DENND2B: variants seen among roughly 807,000 people sequenced by gnomAD.
The protein encoded by DENND2B is DENN domain-containing protein 2B.
In DENND2B, 32 loss-of-function variants were observed where a neutral mutation model predicts 116.0. The ratio of observed to expected loss-of-function variants is 0.28; its 90% CI spans 0.21 to 0.37. The LOEUF is 0.37. DENND2B is among the 10% of genes least tolerant of loss of function. The pLI, the probability that DENND2B is intolerant of heterozygous loss-of-function variation, is 1.00. For missense variants in DENND2B, 1,276 were observed against 1,477.7 expected, an observed-to-expected ratio of 0.86 and a Z score of 2.24; for synonymous variants, 588 against 583.9, an observed-to-expected ratio of 1.01 and a Z score of -0.10.
chr11:8,714,590 G>A lies in DENND2B; in HGVS notation c.1942+20C>T. 2 of 1,607,176 alleles carry A rather than the reference G, an allele frequency of 1.2e-6. No homozygotes were observed. The highest frequency in any genetic ancestry group is 1.7e-6 in the Non-Finnish European group (2 of 1,174,314). ...CCAAGGGCCCCAAACAGCTGAACCA[G>A]CTCTGGCACCAAAGCCTACCTCTCA... On this transcript the variant is annotated intron_variant, in intron 7 of 19. Coordinates refer to ENST00000313726, the MANE Select transcript of DENND2B (RefSeq NM_213618.2).
chr11:8,891,560 T>C (rs2064033553), intron 1 of DENND2B, among the ~76,000 whole-genome samples: 1 of 151,758 alleles, frequency 6.6e-6, no homozygotes, highest in Admixed American at 6.6e-5. Context: ...ACCAAGCAAA[T>C]GGAGAACAAA....
chr11:8,801,012 C>A (rs2060262401), intron 1 of DENND2B, among the ~76,000 whole-genome samples: 1 of 150,880 alleles, frequency 6.6e-6, no homozygotes, highest in African/African-American at 2.4e-5. Context: ...CTGCCTTAGC[C>A]ACAAATGCCC....
chr11:8,875,192 G>T (rs1419409338), upstream of DENND2B, among the ~76,000 whole-genome samples: 1 of 151,702 alleles, frequency 6.6e-6, no homozygotes, highest in Non-Finnish European at 1.5e-5. Context: ...GCGTGGTGGT[G>T]GGCACCTGTA....
At chr11:8,845,002 A>G (rs2134628564) in intron 3 of DENND2B, among the ~76,000 whole-genome samples, 1 of 152,256 alleles carries the variant, frequency 6.6e-6, no homozygotes. Flanking sequence ...TCGGCTTTCC[A>G]AAGTGTTCAG....
Position 8,700,070 on chromosome 11 carries a change from G to A in DENND2B, c.2721-680C>T, listed in dbSNP as rs548546811. On this transcript the variant is annotated intron_variant, in intron 14 of 19. Coordinates refer to ENST00000313726, the MANE Select transcript of DENND2B (RefSeq NM_213618.2). ...AGCCCCACGGGAGCTGGCCTGGGGGGGGGCAGGGTGGCAAAGAGGAAGCTC... is the reference window on the plus strand; with the variant it reads ...AGCCCCACGGGAGCTGGCCTGGGGGAGGGCAGGGTGGCAAAGAGGAAGCTC... The A allele has an allele frequency of 1.5e-3, 668 of 451,112 alleles. 8 individuals are homozygous for A. Among genetic ancestry groups the A allele is most frequent in the South Asian group, 9.8e-3 (628 of 64,254 alleles). 27.9% of individuals were successfully genotyped at this position (451,112 alleles called of 1,614,324 possible). A position where few individuals can be genotyped will look rare whatever the true frequency, so the allele number is the denominator to read the frequency against.
intron 4 of DENND2B, among the ~76,000 whole-genome samples, chr11:8,835,152 G>A (rs1566032998): frequency 6.6e-6 from 1 of 152,180 alleles, no homozygotes; most frequent in East Asian, 1.9e-4. Flanking sequence ...GCTGAAGTGG[G>A]AGAATTGCTT....
At chr11:8,787,652 C>T (rs555939727) in intron 1 of DENND2B, among the ~76,000 whole-genome samples, 1 of 152,318 alleles carries the variant, frequency 6.6e-6, no homozygotes, top group African/African-American at 2.4e-5. Flanking sequence ...AGAAATCATC[C>T]CACGTCTAAC....
At chr11:8,794,452 G>A (rs765847035) in intron 1 of DENND2B, among the ~76,000 whole-genome samples, 2 of 152,218 alleles carry the variant, frequency 1.3e-5, no homozygotes, top group Non-Finnish European at 2.9e-5. Flanking sequence ...GGTTGTCTCA[G>A]GCTATGTATG....
rs147102836 is a variant in DENND2B at position 8,863,529 on chromosome 11, G to A, written c.-249-6093C>T. ...ATTACAGGCGTCAGCCACTGCGCCC[G>A]GCCTGCCTCTTACGCCACTTCCTAT... is the stretch of plus-strand genomic sequence containing the variant. On this transcript the variant is annotated intron_variant, in intron 2 of 6. Transcript: ENST00000524757. Among the ~76,000 whole-genome samples, 397 of 152,088 alleles carry A rather than the reference G, an allele frequency of 2.6e-3. 2 individuals carry two copies. The highest frequency in any genetic ancestry group is 9.1e-3 in the African/African-American group (376 of 41,512).
intron 1 of DENND2B, among the ~76,000 whole-genome samples, chr11:8,778,804 G>A (rs2058035494): frequency 1.3e-5 from 2 of 152,214 alleles, no homozygotes. Flanking sequence ...GCTGATTACT[G>A]TCGAAAGGCA....
At chr11:8,761,196 C>CA in intron 1 of DENND2B, among the ~76,000 whole-genome samples, 1 of 152,282 alleles carries the variant, frequency 6.6e-6, no homozygotes, top group East Asian at 1.9e-4. Flanking sequence ...CAATTTCAGG[C>CA]CAAAGGAAAT....
intron 1 of DENND2B, among the ~76,000 whole-genome samples, chr11:8,795,702 G>C (rs1464294411): frequency 6.6e-6 from 1 of 152,136 alleles, no homozygotes; most frequent in Non-Finnish European, 1.5e-5. Flanking sequence ...TGGTCTCCTA[G>C]GTTTCTTTTC....
chr11:8,755,478 T>C (rs1281920760), intron 1 of DENND2B, among the ~76,000 whole-genome samples: 1 of 152,132 alleles, frequency 6.6e-6, no homozygotes, highest in Non-Finnish European at 1.5e-5. Flanking sequence ...GTGATGGTGA[T>C]AGGGAGTGGT....
chr11:8,890,057 G>C (rs918833036), intron 1 of DENND2B, among the ~76,000 whole-genome samples: 2 of 152,164 alleles, frequency 1.3e-5, no homozygotes, highest in African/African-American at 4.8e-5. Flanking sequence ...CCAGGGGAAC[G>C]ATCAGGCAGC....
At chr11:8,741,584 A>G (rs904533704) in intron 2 of DENND2B, among the ~76,000 whole-genome samples, 1 of 152,188 alleles carries the variant, frequency 6.6e-6, no homozygotes, top group Non-Finnish European at 1.5e-5. Context: ...ATTCTTTGAC[A>G]TGCCTCCAGT....
intron 1 of DENND2B, among the ~76,000 whole-genome samples, chr11:8,803,374 G>A (rs533561608): frequency 6.6e-6 from 1 of 152,170 alleles, no homozygotes; most frequent in Non-Finnish European, 1.5e-5. Context: ...GACCGAGCGA[G>A]ACTCTGTCTC....
Position 8,726,078 on chromosome 11 carries a change from A to G in DENND2B, c.1472T>C (p.Ile491Thr), listed in dbSNP as rs981623958. The change falls in exon 4 of 20, where the codon ATT becomes ACT. Residue 491 changes from isoleucine (I) to threonine (T), a missense_variant. Physicochemically the swap from Ile to Thr is moderately conservative, Grantham distance 89. Around this residue, in one of 2 missense-constraint regions of DENND2B, gnomAD observed 856 missense variants for 846.6 expected, o/e 1.01. Transcript: ENST00000313726. ...STLEENAYEDIVGDLPKENPY... is the reference protein window; with the variant it reads ...STLEENAYEDTVGDLPKENPY... ...CCACCTCTGCCATTGCTTACCCACA[A>G]TATCTTCATAGGCATTTTCTTCTAA... 8.7e-6 allele frequency: 14 copies of G among 1,613,844 alleles called. No homozygotes were observed. The highest frequency in any genetic ancestry group is 3.3e-5 in the Admixed American group (2 of 59,984).
At chr11:8,718,372 C>T (rs1375994428) in intron 4 of DENND2B, 15 of 1,535,190 alleles carry the variant, frequency 9.8e-6, no homozygotes, top group East Asian at 2.4e-5. Context: ...GGAGGGTGGG[C>T]ATGGAGGAAC....
At chr11:8,695,826 C>G (rs1250064786) in intron 18 of DENND2B, 2 of 491,246 alleles carry the variant, frequency 4.1e-6, no homozygotes, top group African/African-American at 3.8e-5. Flanking sequence ...AGAGCTGCCC[C>G]AAGTGGACAT....
Sources: allele counts gnomAD v4.1 joint callset (sites outside exome capture counted in the v4.1 genomes callset), GRCh38; gene constraint gnomAD v4.1.1; regional missense constraint gnomAD v4.1.1; transcripts MANE v1.5; gene names NCBI Gene and HGNC (gene_info 2026-07-23, HGNC 2026-07-21).